Variants in CSMD1 observed in about 807,000 individuals in gnomAD.
CSMD1 encodes CUB and sushi domain-containing protein 1.
In CSMD1, 213 loss-of-function variants were observed where a neutral mutation model predicts 417.5. That is an observed-to-expected ratio of 0.51 (90% confidence interval 0.46 to 0.57). CSMD1 has a LOEUF of 0.57. Ranked by LOEUF, CSMD1 falls within the 20% of genes least tolerant of loss-of-function variation. CSMD1 has a pLI of 0.00. For missense variants in CSMD1, 6,923 were observed against 4,529.7 expected (o/e 1.53, Z -15.17); for synonymous variants, 2,862 against 1,736.8 (o/e 1.65, Z -16.11).
chr8:4,234,450 C>A (rs1271349863), intron 3 of CSMD1, among the ~76,000 whole-genome samples: 1 of 152,040 alleles, frequency 6.6e-6, no homozygotes, highest in Non-Finnish European at 1.5e-5. Flanking sequence ...CCAAGACGTC[C>A]ATTTCTCTGT....
intron 2 of CSMD1, among the ~76,000 whole-genome samples, chr8:4,482,362 T>C (rs1302720172): frequency 6.6e-6 from 1 of 152,200 alleles, no homozygotes; most frequent in Non-Finnish European, 1.5e-5. Context: ...TTTCTGTTCC[T>C]GAGTTAGTTT....
At chr8:3,457,156 T>A (rs1037662521) in intron 12 of CSMD1, among the ~76,000 whole-genome samples, 1 of 142,674 alleles carries the variant, frequency 7.0e-6, no homozygotes, top group Non-Finnish European at 1.6e-5. Flanking sequence ...GAACACCTCA[T>A]CCTGTACCTC....
chr8:4,444,547 T>G (rs1798670027), intron 2 of CSMD1, among the ~76,000 whole-genome samples: 1 of 151,926 alleles, frequency 6.6e-6, no homozygotes, highest in South Asian at 2.1e-4. Flanking sequence ...ATGTCCATCT[T>G]TTAGGGGTTT....
chr8:3,503,514 T>C (rs1356174979), intron 10 of CSMD1, among the ~76,000 whole-genome samples: 1 of 152,236 alleles, frequency 6.6e-6, no homozygotes, highest in Admixed American at 6.5e-5. Flanking sequence ...AAACTTGGTA[T>C]TTCATGCTAA....
intron 5 of CSMD1, among the ~76,000 whole-genome samples, chr8:3,997,148 A>G (rs1351480544): frequency 1.3e-5 from 2 of 152,222 alleles, no homozygotes; most frequent in African/African-American, 2.4e-5. Flanking sequence ...AATAATAAAA[A>G]CAATAACACA....
chr8:3,624,947 A>C (rs1384627724), intron 7 of CSMD1, among the ~76,000 whole-genome samples: 1 of 152,334 alleles, frequency 6.6e-6, no homozygotes, highest in Non-Finnish European at 1.5e-5. Flanking sequence ...AAAAACTAAT[A>C]ACTTGATTAG....
At chr8:4,264,634 C>A (rs891291731) in intron 3 of CSMD1, among the ~76,000 whole-genome samples, 1 of 152,090 alleles carries the variant, frequency 6.6e-6, no homozygotes, top group Non-Finnish European at 1.5e-5. Context: ...CACCTGCTGT[C>A]CCACCCAGGT....
intron 2 of CSMD1, among the ~76,000 whole-genome samples, chr8:4,484,878 C>T (rs565302117): frequency 6.7e-6 from 1 of 149,294 alleles, no homozygotes; most frequent in African/African-American, 2.5e-5. Context: ...GAGGCTGAGG[C>T]GGGAGAATGG....
chr8:4,634,834 C>G (rs558222294), intron 2 of CSMD1, among the ~76,000 whole-genome samples: 11 of 152,218 alleles, frequency 7.2e-5, no homozygotes, highest in African/African-American at 2.6e-4. Flanking sequence ...ACACCCATTC[C>G]AATTTCACAT....
rs1430485192 is a variant in CSMD1 at position 4,928,838 on chromosome 8, G to C, written c.85+65494C>G. Among the ~76,000 whole-genome samples the C allele has an allele frequency of 2.6e-5, 4 of 152,140 alleles. No individual in the cohort carries two copies. In the East Asian group the frequency reaches 5.8e-4, roughly 22 times the overall value. On this transcript the variant is annotated intron_variant, in intron 1 of 69. Transcript: ENST00000635120. ...TAATCACAGGACTTTGGGAGGCTGA[G>C]GTGAGTGGATCACCTGAGGTTGGGA...
intron 1 of CSMD1, among the ~76,000 whole-genome samples, chr8:4,742,479 T>A (rs1191925883): frequency 1.3e-5 from 2 of 152,152 alleles, no homozygotes; most frequent in Non-Finnish European, 2.9e-5. Context: ...GTCATTCACA[T>A]ACACGCACAC....
At chr8:3,784,619 A>T (rs917336180) in intron 5 of CSMD1, among the ~76,000 whole-genome samples, 4 of 152,242 alleles carry the variant, frequency 2.6e-5, no homozygotes, top group Non-Finnish European at 4.4e-5. Context: ...AAGAACAGAA[A>T]AATGAATAAA....
intron 3 of CSMD1, among the ~76,000 whole-genome samples, chr8:4,235,791 C>A (rs1585072122): frequency 6.6e-6 from 1 of 152,020 alleles, no homozygotes; most frequent in Non-Finnish European, 1.5e-5. Context: ...TTCTTTTTTT[C>A]TTTGAAACAT....
intron 2 of CSMD1, among the ~76,000 whole-genome samples, chr8:4,575,470 C>T (rs569401657): frequency 3.9e-5 from 6 of 152,246 alleles, no homozygotes; most frequent in South Asian, 4.1e-4. Flanking sequence ...TTTCTCTGAA[C>T]GTTATCTGAA....
chr8:4,702,222 T>C (rs1042369998), intron 1 of CSMD1, among the ~76,000 whole-genome samples: 2 of 152,186 alleles, frequency 1.3e-5, no homozygotes, highest in Non-Finnish European at 2.9e-5. Flanking sequence ...TGTTTACCTT[T>C]GGAACAAACC....
intron 2 of CSMD1, among the ~76,000 whole-genome samples, chr8:4,521,843 G>C (rs1803469813): frequency 6.6e-6 from 1 of 152,166 alleles, no homozygotes; most frequent in Non-Finnish European, 1.5e-5. Flanking sequence ...GCTCCATGTA[G>C]GAGAAAACTC....
intron 3 of CSMD1, among the ~76,000 whole-genome samples, chr8:4,199,343 C>A (rs1432687059): frequency 6.6e-6 from 1 of 152,108 alleles, no homozygotes; most frequent in Non-Finnish European, 1.5e-5. Flanking sequence ...CTGAAGTCTA[C>A]CTCTAAAGCA....
chr8:3,685,833 G>A (rs1799917706), intron 7 of CSMD1, among the ~76,000 whole-genome samples: 1 of 152,050 alleles, frequency 6.6e-6, no homozygotes, highest in Non-Finnish European at 1.5e-5. Flanking sequence ...ACACAGGCAT[G>A]CGACGTAAAA....
chr8:4,861,147 G>A (rs995568181), intron 1 of CSMD1, among the ~76,000 whole-genome samples: 6 of 152,050 alleles, frequency 3.9e-5, no homozygotes, highest in Non-Finnish European at 5.9e-5. Context: ...AATGTTCGTT[G>A]AACAAATACA....
Sources: gnomAD v4.1 joint callset for allele counts (sites outside exome capture counted in the v4.1 genomes callset) on GRCh38, gnomAD v4.1.1 for gene constraint, MANE v1.5 for transcripts, NCBI Gene and HGNC (gene_info 2026-07-23, HGNC 2026-07-21) for gene names.